PEAK1: variants seen among roughly 807,000 people sequenced by gnomAD.
PEAK1 encodes inactive tyrosine-protein kinase PEAK1.
Under a neutral mutation model 124.7 loss-of-function variants are expected in PEAK1, and 54 were observed. The observed-to-expected ratio is 0.43, with a 90% CI of 0.35 to 0.54. The LOEUF is 0.54. Among genes scored for constraint, PEAK1 ranks in the 20% least tolerant of loss-of-function variants. PEAK1 has a pLI of 0.01. For synonymous variants in PEAK1, 719 were observed against 760.0 expected, an observed-to-expected ratio of 0.95 and a Z score of 0.89; for missense variants, 2,046 against 2,134.5, an observed-to-expected ratio of 0.96 and a Z score of 0.82.
intron 2 of PEAK1, among the ~76,000 whole-genome samples, chr15:77,287,536 A>C (rs1456749890): frequency 1.3e-5 from 2 of 152,120 alleles, no homozygotes; most frequent in African/African-American, 4.8e-5. Flanking sequence ...AAGACATAGA[A>C]CTTCTTCCTT....
chr15:77,268,392 T>G (rs763569917), intron 5 of PEAK1, among the ~76,000 whole-genome samples: 1 of 151,692 alleles, frequency 6.6e-6, no homozygotes, highest in Admixed American at 6.6e-5. Context: ...GAGAATCACT[T>G]GAACCTGGGA....
At chr15:77,400,022 C>T (rs923715579) in intron 1 of PEAK1, among the ~76,000 whole-genome samples, 1 of 152,104 alleles carries the variant, frequency 6.6e-6, no homozygotes, top group Non-Finnish European at 1.5e-5. Context: ...ATAGATATTT[C>T]TCAAAAGACA....
rs140223463 is a variant in PEAK1, at chr15:77,277,482, T to C, written c.-275+6401A>G. Among the ~76,000 whole-genome samples, 4 of 152,274 alleles carry C rather than the reference T, an allele frequency of 2.6e-5. No individual in the cohort carries two copies. The East Asian group carries it at 5.8e-4, about 22-fold the overall frequency. On this transcript the variant is annotated intron_variant, in intron 5 of 9. Transcript: ENST00000682557. ...CAATGTCAATGTACTGGTTTTAATA[T>C]TGTTCTATAGTTACATAAGATGGAA... is the stretch of plus-strand genomic sequence containing the variant.
chr15:77,214,632 A>C (rs1051350466), intron 6 of PEAK1, among the ~76,000 whole-genome samples: 2 of 151,934 alleles, frequency 1.3e-5, no homozygotes, highest in Non-Finnish European at 2.9e-5. Context: ...TCCAAAAAAA[A>C]AAAAAAGAAA....
rs149575257 is a variant in PEAK1 at position 77,348,686 on chromosome 15, T to C, written c.-603+16477A>G. ...GATCCAATTGATGTCCATGATAAAA[T>C]AGTTAATCTGACTCACGGGAAAACC... On this transcript the variant is annotated intron_variant, in intron 2 of 9. Transcript: ENST00000682557. 1,362 of 985,202 alleles carry C rather than the reference T, an allele frequency of 1.4e-3. 3 individuals carry two copies. Among genetic ancestry groups the C allele is most frequent in the Middle Eastern group, 2.6e-3 (5 of 1,914 alleles). 61.0% of individuals were successfully genotyped at this position (985,202 alleles called of 1,614,324 possible). A position where few individuals can be genotyped will look rare whatever the true frequency, so the allele number is the denominator to read the frequency against.
At chr15:77,219,538 A>C (rs2059294231) in intron 6 of PEAK1, among the ~76,000 whole-genome samples, 1 of 152,122 alleles carries the variant, frequency 6.6e-6, no homozygotes, top group African/African-American at 2.4e-5. Flanking sequence ...GGATATACCT[A>C]TATAGGTGCT....
chr15:77,178,896 G>T lies in PEAK1; in HGVS notation c.3031C>A (p.Gln1011Lys), dbSNP rs747791007. ...SVDQSKARTD[Q>K]AAVMEKGRAE... is the part of the protein sequence containing the mutation. ...CTACCCTTCTCCATGACTGCTGCCTGGTCTGTCCTAGCCTTGCTCTGATCC... is the reference window on the plus strand; with the variant it reads ...CTACCCTTCTCCATGACTGCTGCCTTGTCTGTCCTAGCCTTGCTCTGATCC... The change falls in exon 7 of 10, where the codon CAG (glutamine) becomes AAG (lysine). Residue 1011 changes from glutamine to lysine, a missense_variant. By Grantham distance (53) the Gln-to-Lys change is moderately conservative. Coordinates refer to ENST00000682557, the MANE Select transcript of PEAK1 (RefSeq NM_001385026.1). The T allele has an allele frequency of 6.2e-7, 1 of 1,613,906 alleles. No individual in the cohort carries two copies. The highest frequency in any genetic ancestry group is 2.2e-5 in the East Asian group (1 of 44,870).
chr15:77,349,696 T>C, intron 2 of PEAK1: 2 of 985,152 alleles, frequency 2.0e-6, no homozygotes, highest in African/African-American at 1.7e-5. Context: ...TTTCTTCACG[T>C]AGGATTTTCA....
At chr15:77,236,315 T>C (rs2060121986) in intron 6 of PEAK1, among the ~76,000 whole-genome samples, 1 of 152,210 alleles carries the variant, frequency 6.6e-6, no homozygotes. Flanking sequence ...CCCAAGGCCA[T>C]GGGAGCCCAC....
chr15:77,305,903 A>T (rs2064076217), intron 2 of PEAK1, among the ~76,000 whole-genome samples: 1 of 152,170 alleles, frequency 6.6e-6, no homozygotes, highest in South Asian at 2.1e-4. Context: ...AAATATTTTT[A>T]ATCTGTGGTT....
At chr15:77,258,417 T>C (rs1055030458) in intron 5 of PEAK1, among the ~76,000 whole-genome samples, 2 of 152,198 alleles carry the variant, frequency 1.3e-5, no homozygotes, top group Admixed American at 6.5e-5. Flanking sequence ...CAGTGGTTTG[T>C]AGTTCTCCTT....
At chr15:77,349,998 T>C in intron 2 of PEAK1, 3 of 985,090 alleles carry the variant, frequency 3.0e-6, no homozygotes, top group Admixed American at 6.1e-5. Context: ...TAGGAAGATT[T>C]CTAGGTTTAA....
rs1039222857 is a variant in PEAK1 at position 77,337,641 on chromosome 15, A to C, written c.-603+27522T>G. 10 of 985,338 alleles carry C rather than the reference A, an allele frequency of 1.0e-5. No homozygotes were observed. In the Admixed American group the frequency reaches 5.5e-4, roughly 55 times the overall value. 61.0% of individuals were successfully genotyped at this position (985,338 alleles called of 1,614,324 possible). On this transcript the variant is annotated intron_variant, in intron 2 of 9. Coordinates refer to ENST00000682557, the MANE Select transcript of PEAK1 (RefSeq NM_001385026.1). Reference sequence around the variant, plus strand: ...TACCATGGATTAATTCCCATGAATGAGATGAAATCTAAAACCATGGCATAT... The same window carrying C: ...TACCATGGATTAATTCCCATGAATGCGATGAAATCTAAAACCATGGCATAT...
chr15:77,224,362 T>C (rs927910146), intron 6 of PEAK1, among the ~76,000 whole-genome samples: 1 of 151,998 alleles, frequency 6.6e-6, no homozygotes. Context: ...AAATAAAATT[T>C]TCTTAATTAT....
At chr15:77,200,661 A>T (rs2058319816) in intron 6 of PEAK1, among the ~76,000 whole-genome samples, 1 of 152,216 alleles carries the variant, frequency 6.6e-6, no homozygotes, top group Non-Finnish European at 1.5e-5. Flanking sequence ...TGAAAACCAT[A>T]TTCAATATCT....
chr15:77,327,571 G>C (rs896918469), intron 2 of PEAK1, among the ~76,000 whole-genome samples: 19 of 151,878 alleles, frequency 1.3e-4, no homozygotes, highest in Non-Finnish European at 1.6e-4. Context: ...AGCATTAGTG[G>C]AACATTATAT....
At chr15:77,168,937 C>T (rs759457798) in intron 7 of PEAK1, among the ~76,000 whole-genome samples, 1 of 152,208 alleles carries the variant, frequency 6.6e-6, no homozygotes, top group Non-Finnish European at 1.5e-5. Context: ...TAATTAGCAG[C>T]ATGAAATTCA....
At chr15:77,301,893 A>G (rs1018042798) in intron 2 of PEAK1, among the ~76,000 whole-genome samples, 2 of 152,188 alleles carry the variant, frequency 1.3e-5, no homozygotes, top group Admixed American at 6.5e-5. Flanking sequence ...CCATTTGTTT[A>G]TATCAGTAAA....
intron 2 of PEAK1, among the ~76,000 whole-genome samples, chr15:77,361,724 G>A (rs1032665091): frequency 3.9e-5 from 6 of 152,124 alleles, no homozygotes; most frequent in African/African-American, 9.7e-5. Context: ...TCACTACAGT[G>A]AATCTATCCA....
Sources: gnomAD v4.1 joint callset for allele counts (sites outside exome capture counted in the v4.1 genomes callset) on GRCh38, gnomAD v4.1.1 for gene constraint, MANE v1.5 for transcripts, NCBI Gene and HGNC (gene_info 2026-07-23, HGNC 2026-07-21) for gene names.